TENM2: variants seen among roughly 807,000 people sequenced by gnomAD.
TENM2 encodes teneurin-2.
A neutral mutation model predicts 245.2 loss-of-function variants in TENM2; 52 were observed. That is an observed-to-expected ratio of 0.21 (90% CI 0.17 to 0.27). The LOEUF is 0.27. Among genes scored for constraint, TENM2 ranks in the 10% least tolerant of loss-of-function variants. TENM2 has a pLI of 1.00. For missense variants in TENM2, 3,046 were observed against 3,666.8 expected, an observed-to-expected ratio of 0.83 and a Z score of 4.37; for synonymous variants, 1,363 against 1,438.9, an observed-to-expected ratio of 0.95 and a Z score of 1.19.
chr5:168,258,834 A>G (rs1295571955), intron 27 of TENM2, among the ~76,000 whole-genome samples: 2 of 152,116 alleles, frequency 1.3e-5, no homozygotes, highest in Non-Finnish European at 2.9e-5. Flanking sequence ...AAACCACTGA[A>G]TTGTGCACTT....
intron 11 of TENM2, among the ~76,000 whole-genome samples, chr5:168,126,533 G>A (rs1177648480): frequency 2.6e-5 from 4 of 152,186 alleles, no homozygotes; most frequent in Non-Finnish European, 5.9e-5. Context: ...AGGTGATACT[G>A]ATGCTGTTGG....
At chr5:167,680,311 T>TA (rs11479530) in intron 2 of TENM2, among the ~76,000 whole-genome samples, 4 of 148,060 alleles carry the variant, frequency 2.7e-5, no homozygotes, top group African/African-American at 5.0e-5. Flanking sequence ...TAGAATAAGT[T>TA]AAAAAAAAAA....
the TENM2 span, among the ~76,000 whole-genome samples, chr5:167,194,237 G>A: frequency 1.3e-5 from 2 of 152,054 alleles, no homozygotes; most frequent in African/African-American, 4.8e-5. Flanking sequence ...ATTGTGTACC[G>A]GTGACACATT....
intron 2 of TENM2, among the ~76,000 whole-genome samples, chr5:167,713,992 A>G (rs1759085511): frequency 1.3e-5 from 2 of 152,186 alleles, no homozygotes; most frequent in African/African-American, 4.8e-5. Context: ...CAGCTATGGA[A>G]GTTTTCATAA....
At chr5:168,029,640 G>C (rs1324588963) in intron 5 of TENM2, among the ~76,000 whole-genome samples, 1 of 152,188 alleles carries the variant, frequency 6.6e-6, no homozygotes, top group Admixed American at 6.5e-5. Flanking sequence ...TCCACAGTCA[G>C]GGCTGACCAG....
intron 3 of TENM2, among the ~76,000 whole-genome samples, chr5:167,924,987 T>C (rs1027471762): frequency 1.3e-5 from 2 of 152,148 alleles, no homozygotes; most frequent in Non-Finnish European, 2.9e-5. Flanking sequence ...CATTCTCTTA[T>C]ACAGTTAAAC....
At chr5:167,222,283 G>C in the TENM2 span, among the ~76,000 whole-genome samples, 4,607 of 152,268 alleles carry the variant, frequency 0.03, 102 homozygotes, top group South Asian at 0.059. Context: ...CCAGGCTCTT[G>C]TGTTTGAATA....
the TENM2 span, among the ~76,000 whole-genome samples, chr5:167,118,016 C>G: frequency 6.6e-6 from 1 of 152,220 alleles, no homozygotes; most frequent in South Asian, 2.1e-4. Context: ...CCTCTATACA[C>G]TTCTTTCTAC....
At chr5:167,012,709 T>C in the TENM2 span, among the ~76,000 whole-genome samples, 2 of 152,156 alleles carry the variant, frequency 1.3e-5, no homozygotes, top group East Asian at 3.9e-4. Flanking sequence ...AATCTCATGC[T>C]CCTCTTACAA....
At chr5:167,059,095 C>A in the TENM2 span, among the ~76,000 whole-genome samples, 1 of 152,152 alleles carries the variant, frequency 6.6e-6, no homozygotes, top group Non-Finnish European at 1.5e-5. Context: ...AGTCTGCAAA[C>A]CTCTGATATG....
At chr5:167,714,598 T>C (rs279402) in intron 2 of TENM2, among the ~76,000 whole-genome samples, 32,937 of 152,122 alleles carry the variant, frequency 0.22, 4,125 homozygotes, top group East Asian at 0.42. Context: ...AACAAACCAA[T>C]GGCATGGAAG....
intron 2 of TENM2, among the ~76,000 whole-genome samples, chr5:167,671,350 C>G (rs1294140802): frequency 6.6e-6 from 1 of 152,104 alleles, no homozygotes; most frequent in Non-Finnish European, 1.5e-5. Flanking sequence ...AGGTATCAGT[C>G]ACTCACACTA....
intron 12 of TENM2, among the ~76,000 whole-genome samples, chr5:168,131,161 C>T (rs1404201320): frequency 2.6e-5 from 4 of 152,156 alleles, no homozygotes; most frequent in Non-Finnish European, 4.4e-5. Context: ...TTGCAATTAT[C>T]TCCTGAACAT....
At chr5:167,784,891 G>A (rs1764460455) in intron 2 of TENM2, among the ~76,000 whole-genome samples, 1 of 152,114 alleles carries the variant, frequency 6.6e-6, no homozygotes. Context: ...AGTGACAAAT[G>A]ATTTGTGACT....
chr5:167,645,388 G>A lies in TENM2; in HGVS notation c.503-230598G>A, dbSNP rs75776303. 3.0e-3 allele frequency among the ~76,000 whole-genome samples: 452 copies of A among 152,228 alleles called. 3 individuals are homozygous for A. Among genetic ancestry groups the A allele is most frequent in the African/African-American group, 0.01 (423 of 41,548 alleles). The stretch of plus-strand genomic sequence containing the variant: ...AAAGCAATGTTCAAACGCAAAGGAA[G>A]GGTGGAGGAGGAAAGGTGTGGAGTT... On this transcript the variant is annotated intron_variant, in intron 2 of 28. Coordinates refer to ENST00000518659, the Ensembl canonical transcript of TENM2.
the TENM2 span, among the ~76,000 whole-genome samples, chr5:167,125,979 T>G: frequency 1.3e-5 from 2 of 152,306 alleles, no homozygotes; most frequent in African/African-American, 4.8e-5. Flanking sequence ...TTATTAATAG[T>G]ATATGTACAC....
intron 2 of TENM2, among the ~76,000 whole-genome samples, chr5:167,714,716 G>A (rs529927443): frequency 1.3e-5 from 2 of 152,170 alleles, no homozygotes; most frequent in Non-Finnish European, 2.9e-5. Flanking sequence ...AAGAAATGTC[G>A]ACCAGCACCA....
At chr5:167,888,687 T>G (rs116242202) in intron 3 of TENM2, among the ~76,000 whole-genome samples, 2,508 of 152,342 alleles carry the variant, frequency 0.016, 65 homozygotes, top group African/African-American at 0.057. Context: ...AACTGTTTTG[T>G]GTGGTGCTTT....
chr5:167,298,370 G>A (rs1009756124), intron 1 of TENM2, among the ~76,000 whole-genome samples: 3 of 152,346 alleles, frequency 2.0e-5, no homozygotes, highest in South Asian at 2.1e-4. Flanking sequence ...TCGGGAGGCC[G>A]AGGGGGGCGG....
Sources: allele counts gnomAD v4.1 joint callset (sites outside exome capture counted in the v4.1 genomes callset), GRCh38; gene constraint gnomAD v4.1.1; transcripts MANE v1.5; gene names NCBI Gene and HGNC (gene_info 2026-07-23, HGNC 2026-07-21).